The following MBNL2 variants were observed in gnomAD, a reference collection of about 807,000 sequenced individuals.
MBNL2 encodes the protein muscleblind-like protein 2.
MBNL2 carries 17 observed loss-of-function variants against 41.9 expected under a neutral mutation model. The observed-to-expected ratio is 0.41, with a 90% CI of 0.28 to 0.61. The LOEUF (loss-of-function observed/expected upper bound fraction) is 0.61. MBNL2 is among the 20% of genes least tolerant of loss of function. The pLI, the probability that MBNL2 is intolerant of heterozygous loss-of-function variation, is 0.35. For missense variants in MBNL2, 336 were observed against 505.6 expected (o/e 0.66, Z 3.22); for synonymous variants, 195 against 182.9 (o/e 1.07, Z -0.53).
At chr13:97,245,824 CT>C (rs1252317781) in intron 1 of MBNL2, among the ~76,000 whole-genome samples, 1 of 152,162 alleles carries the variant, frequency 6.6e-6, no homozygotes, top group Non-Finnish European at 1.5e-5. Context: ...GTTCCTTCCA[CT>C]GAAACAAATC....
At chr13:97,320,816 G>A (rs553246440) in intron 2 of MBNL2, among the ~76,000 whole-genome samples, 4 of 152,174 alleles carry the variant, frequency 2.6e-5, no homozygotes, top group African/African-American at 4.8e-5. Flanking sequence ...TTGGGAGACT[G>A]AGGCAGGAGA....
intron 2 of MBNL2, among the ~76,000 whole-genome samples, chr13:97,290,669 C>T (rs1487983441): frequency 7.9e-6 from 1 of 126,208 alleles, no homozygotes; most frequent in African/African-American, 3.1e-5. Context: ...GGCGACAGAG[C>T]GAGACTCCGT....
At chr13:97,326,922 T>C (rs1468733946) in intron 2 of MBNL2, among the ~76,000 whole-genome samples, 1 of 152,208 alleles carries the variant, frequency 6.6e-6, no homozygotes, top group Non-Finnish European at 1.5e-5. Context: ...AGGCCAAATG[T>C]TAGACTCAGC....
intron 1 of MBNL2, among the ~76,000 whole-genome samples, chr13:97,234,110 TGACCG>T (rs2042864754): frequency 1.3e-5 from 2 of 152,204 alleles, no homozygotes; most frequent in South Asian, 2.1e-4. Flanking sequence ...CTTTCTTTAT[TGACCG>T]GACAATCATG....
intron 7 of MBNL2, among the ~76,000 whole-genome samples, chr13:97,359,765 C>T (rs998973422): frequency 2.0e-5 from 3 of 152,094 alleles, no homozygotes; most frequent in Non-Finnish European, 4.4e-5. Context: ...GAAGGGTTTC[C>T]ATTTCTTACA....
At position 97,346,608 on chromosome 13, in the gene MBNL2, C is replaced by T. The variant is rs192368242; in HGVS notation, c.541-196C>T. Among the ~76,000 whole-genome samples the T allele has an allele frequency of 1.5e-4, 23 of 152,280 alleles. No individual in the cohort carries two copies. The East Asian group carries it at 4.2e-3, about 28-fold the overall frequency. On this transcript the variant is annotated intron_variant, in intron 4 of 8. Transcript: ENST00000679496. This position sits in a 1 kb window ranked among gnomAD's most constrained non-coding sequence, Gnocchi z 4.2. ...ATATAGATTTTCACCCTAGAAAAGG[C>T]GGTAAAACAAAACTCAAATGACTGT...
intron 2 of MBNL2, among the ~76,000 whole-genome samples, chr13:97,291,026 G>A (rs1209394145): frequency 6.6e-6 from 1 of 152,118 alleles, no homozygotes; most frequent in East Asian, 1.9e-4. Context: ...GTTATGCTCA[G>A]CACTAAGATT....
intron 2 of MBNL2, among the ~76,000 whole-genome samples, chr13:97,290,853 G>A (rs1252565260): frequency 6.6e-6 from 1 of 152,064 alleles, no homozygotes; most frequent in Non-Finnish European, 1.5e-5. Context: ...TGTTCTCCAA[G>A]GAGTTGCTTT....
intron 8 of MBNL2, 37 bp downstream of exon 8, chr13:97,365,208 T>G: frequency 7.5e-7 from 1 of 1,328,832 alleles, no homozygotes; most frequent in Non-Finnish European, 1.1e-6. Context: ...TTTTATATGA[T>G]GTACAATACC....
At chr13:97,248,995 C>A (rs1021683342) in intron 1 of MBNL2, among the ~76,000 whole-genome samples, 1 of 152,152 alleles carries the variant, frequency 6.6e-6, no homozygotes, top group African/African-American at 2.4e-5. Context: ...CCACCCCCAA[C>A]CCCACTCATT....
At chr13:97,317,429 G>A (rs1003539294) in intron 2 of MBNL2, among the ~76,000 whole-genome samples, 8 of 152,228 alleles carry the variant, frequency 5.3e-5, no homozygotes, top group Non-Finnish European at 1.0e-4. Flanking sequence ...GTCATCTGAA[G>A]GAGGTGGACA....
At chr13:97,265,601 A>C (rs1296742958) in intron 1 of MBNL2, among the ~76,000 whole-genome samples, 1 of 152,112 alleles carries the variant, frequency 6.6e-6, no homozygotes, top group Non-Finnish European at 1.5e-5. Flanking sequence ...TACTTCGTTG[A>C]CTTTGGAGAA....
At chr13:97,235,471 G>A (rs1331493496) in intron 1 of MBNL2, among the ~76,000 whole-genome samples, 2 of 152,134 alleles carry the variant, frequency 1.3e-5, no homozygotes, top group African/African-American at 2.4e-5. Flanking sequence ...AAGATACAAA[G>A]TTAGAAAACA....
In MBNL2 at chr13:97,346,270, T is replaced by TGGATA. The variant is rs2061849055; in HGVS notation, c.541-532_541-528dup. On this transcript the variant is annotated intron_variant, in intron 4 of 8. Coordinates refer to ENST00000679496, the MANE Select transcript of MBNL2 (RefSeq NM_001382683.1). This position sits in a 1 kb window ranked among gnomAD's most constrained non-coding sequence, Gnocchi z 4.2. ...ATGGATGGATGGATGGATGGATGGA[T>TGGATA]GGATAGATGGATGGGTGGATGGATA... Among the ~76,000 whole-genome samples the TGGATA allele has an allele frequency of 6.6e-6, 1 of 151,742 alleles. No individual in the cohort carries two copies. The highest frequency in any genetic ancestry group is 2.4e-5 in the African/African-American group (1 of 41,260).
At chr13:97,296,118 C>A (rs1055961224) in intron 2 of MBNL2, among the ~76,000 whole-genome samples, 1 of 152,160 alleles carries the variant, frequency 6.6e-6, no homozygotes, top group African/African-American at 2.4e-5. Context: ...CAGATTCTAT[C>A]CACGCTAAAT....
intron 2 of MBNL2, among the ~76,000 whole-genome samples, chr13:97,333,986 G>A (rs998651396): frequency 1.5e-5 from 2 of 130,792 alleles, no homozygotes; most frequent in Non-Finnish European, 3.3e-5. Flanking sequence ...GAGGGAGGGA[G>A]GGAAAGAAAG....
At chr13:97,160,771 G>T in the MBNL2 span, among the ~76,000 whole-genome samples, 1 of 152,316 alleles carries the variant, frequency 6.6e-6, no homozygotes, top group South Asian at 2.1e-4. Context: ...CATGGGTGCA[G>T]CCAGAGAGTT....
chr13:97,270,441 T>C (rs1278591939), intron 1 of MBNL2, among the ~76,000 whole-genome samples: 1 of 152,202 alleles, frequency 6.6e-6, no homozygotes, highest in East Asian at 1.9e-4. Context: ...AAATTTTCAT[T>C]GGCAGTACTC....
chr13:97,161,195 C>T, the MBNL2 span, among the ~76,000 whole-genome samples: 2 of 152,126 alleles, frequency 1.3e-5, no homozygotes, highest in African/African-American at 4.8e-5. Context: ...AGAATGGTTC[C>T]CAATGGCATT....
Sources: gnomAD v4.1 joint callset for allele counts (sites outside exome capture counted in the v4.1 genomes callset) on GRCh38, gnomAD v4.1.1 for gene constraint, Gnocchi (gnomAD v3.1) non-coding constraint, MANE v1.5 for transcripts, NCBI Gene and HGNC (gene_info 2026-07-23, HGNC 2026-07-21) for gene names.